Variants in RIMBP2 observed in about 807,000 individuals in gnomAD.
RIMBP2 encodes RIMS binding protein 2, also known as RIMS-binding protein 2.
Under a neutral mutation model 118.6 loss-of-function variants are expected in RIMBP2, and 48 were observed. The observed-to-expected ratio is 0.40, with a 90% CI of 0.32 to 0.51. RIMBP2 has a LOEUF of 0.51. Among genes scored for constraint, RIMBP2 ranks in the 20% least tolerant of loss-of-function variants. The probability of loss-of-function intolerance (pLI) is 0.41; values close to 1 mark genes in which losing one functional copy is unlikely to be tolerated. For synonymous variants in RIMBP2, 762 were observed against 742.9 expected, an observed-to-expected ratio of 1.03 and a Z score of -0.42; for missense variants, 1,551 against 1,768.3, an observed-to-expected ratio of 0.88 and a Z score of 2.20.
intron 4 of RIMBP2, among the ~76,000 whole-genome samples, chr12:130,485,001 T>G (rs1045153249): frequency 1.3e-5 from 2 of 152,220 alleles, no homozygotes; most frequent in Non-Finnish European, 2.9e-5. Flanking sequence ...GTTTTGAATT[T>G]TCCTTGGCAT....
intron 2 of RIMBP2, among the ~76,000 whole-genome samples, chr12:130,564,838 G>A (rs2057100109): frequency 6.6e-6 from 1 of 152,174 alleles, no homozygotes; most frequent in African/African-American, 2.4e-5. Flanking sequence ...AAGGTACTCT[G>A]CACTTAAATT....
chr12:130,534,617 C>G (rs2053822834), intron 2 of RIMBP2, among the ~76,000 whole-genome samples: 1 of 152,222 alleles, frequency 6.6e-6, no homozygotes, highest in Non-Finnish European at 1.5e-5. Context: ...GCTGTCAATC[C>G]TTCTCTATGG....
chr12:130,544,596 C>CTT (rs35041449), intron 2 of RIMBP2, among the ~76,000 whole-genome samples: 3,341 of 100,420 alleles, frequency 0.033, 128 homozygotes, highest in African/African-American at 0.041. Flanking sequence ...AACTGGAGGC[C>CTT]TTTTTTTTTT....
At chr12:130,579,406 G>A (rs935141921) in intron 2 of RIMBP2, among the ~76,000 whole-genome samples, 3 of 152,132 alleles carry the variant, frequency 2.0e-5, no homozygotes, top group African/African-American at 7.2e-5. Flanking sequence ...GGTAGATGAC[G>A]TTTCACACCT....
intron 3 of RIMBP2, among the ~76,000 whole-genome samples, chr12:130,513,583 A>G (rs1027301993): frequency 5.3e-5 from 8 of 152,172 alleles, no homozygotes; most frequent in Non-Finnish European, 1.0e-4. Flanking sequence ...TCTGAAATCA[A>G]CAAAAGGTTA....
At chr12:130,596,307 T>C (rs2059556592) in intron 2 of RIMBP2, among the ~76,000 whole-genome samples, 1 of 152,146 alleles carries the variant, frequency 6.6e-6, no homozygotes, top group Non-Finnish European at 1.5e-5. Flanking sequence ...TGCTAGTCAT[T>C]ACACCAAGGG....
intron 17 of RIMBP2, among the ~76,000 whole-genome samples, chr12:130,421,236 G>A (rs2076386292): frequency 6.6e-6 from 1 of 152,208 alleles, no homozygotes; most frequent in Non-Finnish European, 1.5e-5. Flanking sequence ...ATACCCGAAA[G>A]GAATCTGGGC....
intron 4 of RIMBP2, among the ~76,000 whole-genome samples, chr12:130,498,513 G>A (rs1012214137): frequency 1.1e-4 from 17 of 152,018 alleles, no homozygotes; most frequent in Non-Finnish European, 2.4e-4. Flanking sequence ...ACCCAGTGAT[G>A]TGCAAGTGAC....
At position 130,434,728 on chromosome 12, in the gene RIMBP2, T is replaced by C. The variant is rs1163728085; in HGVS notation, c.2253+6A>G. On this transcript the variant is annotated splice_donor_region_variant and intron_variant, in intron 14 of 22. Transcript: ENST00000690449. The surrounding 1 kb of genome is among the most constrained non-coding windows in gnomAD (Gnocchi z 5.7). The stretch of plus-strand genomic sequence containing the variant: ...GAGGATGGTGTGGGGCCCGGCCCGC[T>C]CTCACCTGCTTGCCAAGTTCAGAGC... 6.2e-7 allele frequency: 1 copy of C among 1,611,748 alleles called. No individual in the cohort carries two copies. Among genetic ancestry groups the C allele is most frequent in the Non-Finnish European group, 8.5e-7 (1 of 1,179,606 alleles).
At chr12:130,409,405 C>T (rs914341755) in intron 19 of RIMBP2, among the ~76,000 whole-genome samples, 10 of 134,936 alleles carry the variant, frequency 7.4e-5, no homozygotes, top group Admixed American at 4.4e-4. Flanking sequence ...TGCAGTGGCG[C>T]GATCCCGGCT....
intron 1 of RIMBP2, among the ~76,000 whole-genome samples, chr12:130,630,984 G>A (rs558866011): frequency 4.6e-5 from 7 of 152,196 alleles, no homozygotes; most frequent in South Asian, 4.2e-4. Context: ...GGAAAGCCAC[G>A]GGATCCAGGA....
At chr12:130,512,690 T>C (rs1329656027) in intron 3 of RIMBP2, among the ~76,000 whole-genome samples, 1 of 152,168 alleles carries the variant, frequency 6.6e-6, no homozygotes, top group Non-Finnish European at 1.5e-5. Flanking sequence ...CAAATCAGTC[T>C]CCTACTAAAG....
chr12:130,551,910 T>C (rs2055825009), intron 2 of RIMBP2, among the ~76,000 whole-genome samples: 1 of 152,216 alleles, frequency 6.6e-6, no homozygotes, highest in Non-Finnish European at 1.5e-5. Flanking sequence ...CACATTATGT[T>C]AGTGGCAAAT....
At chr12:130,648,100 C>T (rs556575799) in intron 1 of RIMBP2, among the ~76,000 whole-genome samples, 4 of 132,880 alleles carry the variant, frequency 3.0e-5, no homozygotes, top group Admixed American at 7.4e-5. Flanking sequence ...TGATCATCAC[C>T]GAGCAGATAC....
intron 1 of RIMBP2, among the ~76,000 whole-genome samples, chr12:130,714,108 A>G (rs1950158255): frequency 6.6e-6 from 1 of 152,164 alleles, no homozygotes; most frequent in Non-Finnish European, 1.5e-5. Context: ...TAAAACTTCA[A>G]CCAGACTCCA....
At chr12:130,675,628 G>A (rs550238401) in intron 1 of RIMBP2, among the ~76,000 whole-genome samples, 6 of 152,228 alleles carry the variant, frequency 3.9e-5, no homozygotes, top group East Asian at 1.9e-4. Flanking sequence ...GGTTTCCCCC[G>A]AAACTGCTCT....
intron 2 of RIMBP2, among the ~76,000 whole-genome samples, chr12:130,596,401 G>A (rs9971713): frequency 0.19 from 29,415 of 150,914 alleles, 3,771 homozygotes; most frequent in East Asian, 0.36. Flanking sequence ...TTTCACAGGC[G>A]TTGAAACCAG....
intron 4 of RIMBP2, among the ~76,000 whole-genome samples, chr12:130,494,121 G>A (rs1207572102): frequency 6.6e-6 from 1 of 152,190 alleles, no homozygotes; most frequent in African/African-American, 2.4e-5. Flanking sequence ...CCCCTTGTGA[G>A]TACATCCCAC....
chr12:130,715,402 G>GAGCAGCAGC (rs1391865732), intron 1 of RIMBP2, among the ~76,000 whole-genome samples: 4 of 152,098 alleles, frequency 2.6e-5, no homozygotes. Flanking sequence ...GCTCCCCGGG[G>GAGCAGCAGC]ACAGGAGGGA....
Sources: gnomAD v4.1 joint callset for allele counts (sites outside exome capture counted in the v4.1 genomes callset) on GRCh38, gnomAD v4.1.1 for gene constraint, Gnocchi (gnomAD v3.1) non-coding constraint, MANE v1.5 for transcripts, NCBI Gene and HGNC (gene_info 2026-07-23, HGNC 2026-07-21) for gene names.